The following ESRRG variants were observed in gnomAD, a reference collection of about 807,000 sequenced individuals.
The protein encoded by ESRRG is estrogen-related receptor gamma.
Under a neutral mutation model 44.0 loss-of-function variants are expected in ESRRG, and 13 were observed. The observed-to-expected ratio is 0.30, with a 90% confidence interval of 0.19 to 0.47. The LOEUF (loss-of-function observed/expected upper bound fraction) is 0.47. Ranked by LOEUF, ESRRG falls within the 20% of genes least tolerant of loss-of-function variation. The pLI is 1.00. For synonymous variants in ESRRG, 215 were observed against 214.6 expected (o/e 1.00, Z -0.02); for missense variants, 395 against 580.6 (o/e 0.68, Z 3.29).
intron 2 of ESRRG, among the ~76,000 whole-genome samples, chr1:216,748,164 T>C (rs926738564): frequency 3.3e-5 from 5 of 152,100 alleles, no homozygotes; most frequent in East Asian, 3.9e-4. Context: ...CAGTGGACTC[T>C]CAATTCACTT....
chr1:216,621,615 T>C (rs987790098), intron 3 of ESRRG, among the ~76,000 whole-genome samples: 3 of 152,188 alleles, frequency 2.0e-5, no homozygotes, highest in African/African-American at 4.8e-5. Context: ...GAATGCCCCA[T>C]GACTGATCAG....
chr1:216,914,535 T>A lies in ESRRG; in HGVS notation c.-14+25047A>T, dbSNP rs115065580. Among the ~76,000 whole-genome samples the A allele has an allele frequency of 1.2e-3, 183 of 152,172 alleles. 1 individual carries two copies. The highest frequency in any genetic ancestry group is 4.4e-3 in the African/African-American group (181 of 41,530). On this transcript the variant is annotated intron_variant, in intron 2 of 7. Coordinates refer to the ESRRG transcript ENST00000359162. ...AACGCTCACATAAAACATCTCAGTA[T>A]GAAAAAAAAGACTTTGACCATGTAA...
Position 217,117,064 on chromosome 1 carries a change from TAAC to T in ESRRG, c.-230+20600_-230+20602del, listed in dbSNP as rs369669730. Among the ~76,000 whole-genome samples, 118 of 152,264 alleles carry T rather than the reference TAAC, an allele frequency of 7.7e-4. No individual in the cohort carries two copies. The East Asian group carries it at 0.014, about 19-fold the overall frequency. On this transcript the variant is annotated intron_variant, in intron 1 of 8. Transcript: ENST00000366940. ...TGATGATAGTTATTAATATAAATAA[TAAC>T]AGCATATGGAGAAAATATAGCATAG...
chr1:216,834,822 G>C (rs2095538707), intron 2 of ESRRG, among the ~76,000 whole-genome samples: 1 of 152,124 alleles, frequency 6.6e-6, no homozygotes, highest in Admixed American at 6.5e-5. Context: ...AGGCTCATGA[G>C]ACCTAAAGAA....
rs190508024 is a variant in ESRRG at position 216,856,167 on chromosome 1, A to G, written c.-14+83415T>C. ...CTTGCTTTGTTTCTTGTGAAAAAAAAAAACTTCCTATGAAAAGAAAATATA... is the reference window on the plus strand; with the variant it reads ...CTTGCTTTGTTTCTTGTGAAAAAAAGAAACTTCCTATGAAAAGAAAATATA... On this transcript the variant is annotated intron_variant, in intron 2 of 7. Transcript: ENST00000359162. Among the ~76,000 whole-genome samples the G allele has an allele frequency of 7.9e-4, 121 of 152,258 alleles. 1 individual carries two copies. Among genetic ancestry groups the G allele is most frequent in the Non-Finnish European group, 1.4e-3 (96 of 68,016 alleles).
At chr1:216,524,207 A>G (rs2046941892) in intron 5 of ESRRG, among the ~76,000 whole-genome samples, 1 of 139,832 alleles carries the variant, frequency 7.2e-6, no homozygotes, top group South Asian at 2.1e-4. Context: ...AGGGGCTTGT[A>G]GGAAACTTTA....
At chr1:216,785,642 G>A (rs751493855) in intron 2 of ESRRG, among the ~76,000 whole-genome samples, 1 of 152,058 alleles carries the variant, frequency 6.6e-6, no homozygotes, top group Non-Finnish European at 1.5e-5. Context: ...ATGGTTGTGA[G>A]AACTGCATTC....
intron 1 of ESRRG, among the ~76,000 whole-genome samples, chr1:217,115,525 C>T (rs2092713819): frequency 6.6e-6 from 1 of 152,116 alleles, no homozygotes; most frequent in South Asian, 2.1e-4. Flanking sequence ...ACTTCTCCAG[C>T]TTCACTCTCC....
intron 2 of ESRRG, among the ~76,000 whole-genome samples, chr1:216,668,888 T>C (rs893967636): frequency 3.3e-5 from 5 of 152,108 alleles, no homozygotes; most frequent in Non-Finnish European, 7.4e-5. Context: ...ATGATAGAGA[T>C]TGGGTTTCAA....
chr1:216,713,670 TC>T (rs2084142613), intron 1 of ESRRG, among the ~76,000 whole-genome samples: 1 of 152,208 alleles, frequency 6.6e-6, no homozygotes, highest in Non-Finnish European at 1.5e-5. Context: ...TGCTGAAGTT[TC>T]TTTTATCAAC....
intron 2 of ESRRG, among the ~76,000 whole-genome samples, chr1:216,822,631 T>C (rs2148635963): frequency 6.6e-6 from 1 of 152,322 alleles, no homozygotes; most frequent in South Asian, 2.1e-4. Context: ...TATCTTTAAG[T>C]CATCAAGGAT....
At chr1:216,913,502 T>C (rs890257256) in intron 2 of ESRRG, among the ~76,000 whole-genome samples, 5 of 152,238 alleles carry the variant, frequency 3.3e-5, no homozygotes, top group African/African-American at 9.6e-5. Flanking sequence ...TTATGTTTAA[T>C]ATTTAGGGTT....
chr1:216,549,407 T>C (rs758556964), intron 5 of ESRRG, among the ~76,000 whole-genome samples: 2 of 151,938 alleles, frequency 1.3e-5, no homozygotes, highest in East Asian at 3.9e-4. Flanking sequence ...CCAAGAGAGA[T>C]TGGGGAGGGT....
rs34245595 is a variant in ESRRG at position 216,541,561 on chromosome 1, AGTGTGTGTGTGT to A, written c.863-22152_863-22141del. ...GCTCAGCTATTTGAGTCTTTTGGTT[AGTGTGTGTGTGT>A]GTGTGTGTGTGTGTGTGTGTGTGTG... On this transcript the variant is annotated intron_variant, in intron 5 of 6. Transcript: ENST00000408911. 3.2e-3 allele frequency among the ~76,000 whole-genome samples: 419 copies of A among 130,412 alleles called. 3 individuals carry two copies. Among genetic ancestry groups the A allele is most frequent in the Middle Eastern group, 8.3e-3 (2 of 242 alleles). 85.6% of individuals were successfully genotyped at this position (130,412 alleles called of 152,430 possible). A position where few individuals can be genotyped will look rare whatever the true frequency, so the allele number is the denominator to read the frequency against.
chr1:216,571,613 T>A (rs1218664335), intron 3 of ESRRG, among the ~76,000 whole-genome samples: 1 of 152,096 alleles, frequency 6.6e-6, no homozygotes. Context: ...GTCCCCCACA[T>A]CCCTTCCTGT....
chr1:216,556,847 C>T (rs546006046), intron 5 of ESRRG, among the ~76,000 whole-genome samples: 1 of 152,080 alleles, frequency 6.6e-6, no homozygotes, highest in South Asian at 2.1e-4. Context: ...ATCATTAGCG[C>T]ACAGGGTCTG....
chr1:216,525,027 G>T (rs570045550), intron 5 of ESRRG, among the ~76,000 whole-genome samples: 23 of 152,300 alleles, frequency 1.5e-4, no homozygotes, highest in African/African-American at 4.6e-4. Flanking sequence ...CATAGGAACA[G>T]AAATTGAAAA....
rs2068716956 is a variant in ESRRG at position 216,650,643 on chromosome 1, G to GA, written c.589+329dup. On this transcript the variant is annotated intron_variant, in intron 3 of 6. Coordinates refer to ENST00000408911, the MANE Select transcript of ESRRG (RefSeq NM_001438.4). The stretch of plus-strand genomic sequence containing the variant: ...CTCTCTGCAAACCTAGTAATGAGAA[G>GA]AAAACCAAAAATTCAATGACAGTAG... Among the ~76,000 whole-genome samples, 3 of 151,950 alleles carry GA rather than the reference G, an allele frequency of 2.0e-5. No individual in the cohort carries two copies. The South Asian group carries it at 6.2e-4, about 32-fold the overall frequency.
intron 2 of ESRRG, among the ~76,000 whole-genome samples, chr1:216,661,251 AT>A (rs1173274408): frequency 6.6e-6 from 1 of 152,172 alleles, no homozygotes; most frequent in Non-Finnish European, 1.5e-5. Flanking sequence ...AGAAGTCTTT[AT>A]AAAAGAGCTT....
Sources: allele counts gnomAD v4.1 joint callset (sites outside exome capture counted in the v4.1 genomes callset), GRCh38; gene constraint gnomAD v4.1.1; transcripts MANE v1.5; gene names NCBI Gene and HGNC (gene_info 2026-07-23, HGNC 2026-07-21).